The following CFHR4 variants were observed in gnomAD, a reference collection of about 807,000 sequenced individuals.
CFHR4 encodes complement factor H related 4.
In CFHR4, 64 loss-of-function variants were observed where a neutral mutation model predicts 69.3. That is an observed-to-expected ratio of 0.92 (90% CI 0.76 to 1.14). CFHR4 has a LOEUF of 1.14. CFHR4 is among the 50% of genes most tolerant of loss of function. The pLI is 0.00. For synonymous variants in CFHR4, 244 were observed against 237.0 expected (o/e 1.03, Z -0.27); for missense variants, 636 against 684.9 (o/e 0.93, Z 0.80).
At chr1:196,906,709 A>C (rs1344172225) in intron 3 of CFHR4, among the ~76,000 whole-genome samples, 152 bp from the exon 4 acceptor site, 3 of 150,812 alleles carry the variant, frequency 2.0e-5, no homozygotes, top group African/African-American at 4.9e-5. Flanking sequence ...GTTATAGCAC[A>C]AAAAAAACAC....
chr1:196,903,942 A>G (rs1385659552), intron 2 of CFHR4, among the ~76,000 whole-genome samples: 1 of 151,458 alleles, frequency 6.6e-6, no homozygotes, highest in African/African-American at 2.4e-5. Context: ...GCTGACTTTC[A>G]CTTTTTAGGT....
At chr1:196,901,775 TA>T (rs1292196270) in intron 1 of CFHR4, among the ~76,000 whole-genome samples, 1 of 151,328 alleles carries the variant, frequency 6.6e-6, no homozygotes, top group Non-Finnish European at 1.5e-5. Flanking sequence ...TATAAAACAT[TA>T]AAAACATCTT....
In CFHR4 at chr1:196,918,299, G is replaced by A. The variant is rs774239289; in HGVS notation, c.1630G>A (p.Asp544Asn). Residue 544 changes from aspartate (D) to asparagine (N), a missense_variant, in exon 10 of 10, where the codon GAT becomes AAT. Asp to Asn is a conservative substitution (Grantham distance 23). This residue lies in a region of CFHR4 where 85 missense variants were observed against 79.0 expected (regional missense o/e 1.08). Transcript: ENST00000608469. ...CATAAAATATTATGCAAAAACAGGG[G>A]ATACCATTGAATTTATGTGTAAATT... ...SDIKYYAKTGDTIEFMCKLGY... is the reference protein window; with the variant it reads ...SDIKYYAKTGNTIEFMCKLGY... 1 of 1,610,092 alleles carries A rather than the reference G, an allele frequency of 6.2e-7. No homozygotes were observed. The highest frequency in any genetic ancestry group is 1.1e-5 in the South Asian group (1 of 90,982).
intron 4 of CFHR4, 137 bp from the exon 5 acceptor site, chr1:196,907,179 T>TA (rs201837888): frequency 3.0e-4 from 360 of 1,193,416 alleles, no homozygotes; most frequent in Non-Finnish European, 3.8e-4. Flanking sequence ...CCTTGAAACT[T>TA]AAAAAAAAAG....
In CFHR4 at chr1:196,914,521, A is replaced by T; in HGVS notation, c.1207A>T (p.Asn403Tyr). 6.2e-7 allele frequency: 1 copy of T among 1,604,042 alleles called. No homozygotes were observed. The highest frequency in any genetic ancestry group is 8.5e-7 in the Non-Finnish European group (1 of 1,176,728). Residue 403 changes from asparagine to tyrosine, a missense_variant, in exon 8 of 10, where the codon AAT (asparagine) becomes TAT (tyrosine). By Grantham distance (143) the Asn-to-Tyr change is moderately radical (BLOSUM62 -2). Around this residue, in one of 3 missense-constraint regions of CFHR4, gnomAD observed 529 missense variants for 533.2 expected, o/e 0.99. Transcript: ENST00000608469. The stretch of plus-strand genomic sequence containing the variant: ...ATTTTGTGATATGCCTGTTTTTGAG[A>T]ATTCCAGAGCCAAGAGTAATGGCAT... The part of the protein sequence containing the change: ...IKFCDMPVFE[N>Y]SRAKSNGMRF...
chr1:196,903,741 A>G (rs1301919269), intron 2 of CFHR4, among the ~76,000 whole-genome samples: 1 of 151,344 alleles, frequency 6.6e-6, no homozygotes, highest in Non-Finnish European at 1.5e-5. Context: ...CACTAAATAC[A>G]CATTAAAGTA....
In CFHR4 at chr1:196,907,411, T is replaced by G. The variant is rs750701448; in HGVS notation, c.712T>G (p.Tyr238Asp). 2 of 1,611,992 alleles carry G rather than the reference T, an allele frequency of 1.2e-6. No individual in the cohort carries two copies. The highest frequency in any genetic ancestry group is 1.7e-6 in the Non-Finnish European group (2 of 1,178,990). ...GTATCTGCCATGGTCAAGAGTCGAGTACCAGTGCCAGTCCTACTATGAACT... is the reference window on the plus strand; with the variant it reads ...GTATCTGCCATGGTCAAGAGTCGAGGACCAGTGCCAGTCCTACTATGAACT... ...KVYLPWSRVE[Y>D]QCQSYYELQG... Residue 238 changes from tyrosine (Y) to aspartate (D), a missense_variant, in exon 5 of 10, where the codon TAC (tyrosine) becomes GAC (aspartate). By Grantham distance (160) the Tyr-to-Asp change is radical (BLOSUM62 -3). This residue lies in a region of CFHR4 where 529 missense variants were observed against 533.2 expected (regional missense o/e 0.99). Transcript: ENST00000608469.
intron 1 of CFHR4, among the ~76,000 whole-genome samples, chr1:196,900,175 G>A (rs980294565): frequency 1.3e-5 from 2 of 151,360 alleles, no homozygotes; most frequent in Non-Finnish European, 1.5e-5. Context: ...TTTAATCAAC[G>A]TTAAGGTCAG....
chr1:196,918,174 A>C, intron 9 of CFHR4, 36 bp from the exon 10 acceptor site: 1 of 1,586,424 alleles, frequency 6.3e-7, no homozygotes, highest in Non-Finnish European at 8.6e-7. Flanking sequence ...GAAAGGCAAG[A>C]TTATGATTGT....
chr1:196,899,937 C>T (rs1044694741), intron 1 of CFHR4, among the ~76,000 whole-genome samples: 8 of 151,384 alleles, frequency 5.3e-5, no homozygotes, highest in Admixed American at 2.0e-4. Context: ...CATAGTTTAA[C>T]GGTTTAGGAG....
Position 196,905,175 on chromosome 1 carries a change from T to G in CFHR4, c.324T>G (p.Ile108Met), listed in dbSNP as rs1273164016. 1 of 1,609,496 alleles carries G rather than the reference T, an allele frequency of 6.2e-7. No homozygotes were observed. The highest frequency in any genetic ancestry group is 2.2e-5 in the East Asian group (1 of 44,640). Residue 108 changes from isoleucine (I) to methionine (M), a missense_variant, in exon 3 of 10, where the codon ATT (isoleucine) becomes ATG (methionine). Physicochemically the swap from Ile to Met is conservative, Grantham distance 10. Transcript: ENST00000608469. ...TTTCTGAATCTTCCTCTATTTATAT[T>G]TTAAATGAAGAAACACAATATAATT... ...GFISESSSIY[I>M]LNEETQYNCK...
rs530312934 is a variant in CFHR4, at chr1:196,908,557, C to T, written c.799+1059C>T. ...ATGAAAATGAATACACTAAAAAGCC[C>T]TCAAGTCTGTAATACAGGTATACTC... is the stretch of plus-strand genomic sequence containing the variant. On this transcript the variant is annotated intron_variant, in intron 5 of 9. Transcript: ENST00000608469. Among the ~76,000 whole-genome samples the T allele has an allele frequency of 4.4e-4, 67 of 151,514 alleles. 2 individuals are homozygous for T. In the South Asian group the frequency reaches 0.014, roughly 31 times the overall value.
rs914355017 is a variant in CFHR4 at position 196,916,496 on chromosome 1, G to T, written c.1540+1358G>T. ...ATTGACTGATGACGCTGATATTTTG[G>T]CTGATCTTACAATGGGCTAAACCTT... On this transcript the variant is annotated intron_variant, in intron 9 of 9. Coordinates refer to ENST00000608469, the MANE Select transcript of CFHR4 (RefSeq NM_001201550.3). Among the ~76,000 whole-genome samples, 13 of 151,816 alleles carry T rather than the reference G, an allele frequency of 8.6e-5. No individual in the cohort carries two copies. In the South Asian group the frequency reaches 2.1e-3, roughly 24 times the overall value.
intron 2 of CFHR4, among the ~76,000 whole-genome samples, chr1:196,903,553 T>A (rs1413267537): frequency 6.6e-6 from 1 of 151,058 alleles, no homozygotes; most frequent in Non-Finnish European, 1.5e-5. Flanking sequence ...CCCAGGAGGC[T>A]GAGGCTGGAG....
intron 3 of CFHR4, among the ~76,000 whole-genome samples, chr1:196,905,996 G>A (rs1339805643): frequency 6.6e-6 from 1 of 151,238 alleles, no homozygotes; most frequent in Non-Finnish European, 1.5e-5. Context: ...TATCTTTTTT[G>A]TCTTTCCTCT....
At position 196,907,312 on chromosome 1, in the gene CFHR4, TC is replaced by T; in HGVS notation, c.617-3del. On this transcript the variant is annotated splice_region_variant and splice_polypyrimidine_tract_variant and intron_variant, in intron 4 of 9. Coordinates refer to ENST00000608469, the MANE Select transcript of CFHR4 (RefSeq NM_001201550.3). Reference sequence around the variant, plus strand: ...TTTCCCCAATGTAAAGTATTTTTTTTCAGATTCTTCAGAAAACTGTGGGCCT... The same window carrying T: ...TTTCCCCAATGTAAAGTATTTTTTTTAGATTCTTCAGAAAACTGTGGGCCT... 1 of 1,607,614 alleles carries T rather than the reference TC, an allele frequency of 6.2e-7. No homozygotes were observed. The highest frequency in any genetic ancestry group is 1.1e-5 in the South Asian group (1 of 90,824).
At chr1:196,906,248 T>C (rs1450788605) in intron 3 of CFHR4, among the ~76,000 whole-genome samples, 1 of 151,464 alleles carries the variant, frequency 6.6e-6, no homozygotes, top group Non-Finnish European at 1.5e-5. Flanking sequence ...TATCTCAAAG[T>C]TACTCTGAGG....
intron 4 of CFHR4, 46 bp downstream of exon 4, chr1:196,907,083 T>C (rs769915071): frequency 1.3e-6 from 2 of 1,516,878 alleles, no homozygotes; most frequent in Admixed American, 1.9e-5. Flanking sequence ...ATTAAACAAA[T>C]AGAAACATAC....
At chr1:196,895,193 A>G (rs1399844603) in intron 1 of CFHR4, among the ~76,000 whole-genome samples, 3 of 151,588 alleles carry the variant, frequency 2.0e-5, no homozygotes, top group Non-Finnish European at 2.9e-5. Flanking sequence ...TGATCACACC[A>G]CTGCACTCCT....
Sources: allele counts gnomAD v4.1 joint callset (sites outside exome capture counted in the v4.1 genomes callset), GRCh38; gene constraint gnomAD v4.1.1; regional missense constraint gnomAD v4.1.1; transcripts MANE v1.5; gene names NCBI Gene and HGNC (gene_info 2026-07-23, HGNC 2026-07-21).